Variants in SEMA6D observed in about 807,000 individuals in gnomAD.
The protein encoded by SEMA6D is semaphorin 6D.
SEMA6D carries 35 observed loss-of-function variants against 106.6 expected under a neutral mutation model. That is an observed-to-expected ratio of 0.33 (90% CI 0.25 to 0.44). The LOEUF (loss-of-function observed/expected upper bound fraction) is 0.44, where lower values mean the gene tolerates loss of function less well. Ranked by LOEUF, SEMA6D falls within the 20% of genes least tolerant of loss-of-function variation. The pLI is 1.00. For synonymous variants in SEMA6D, 499 were observed against 487.7 expected (o/e 1.02, Z -0.31); for missense variants, 1,185 against 1,345.9 (o/e 0.88, Z 1.87).
chr15:47,567,326 C>G (rs1420795593), intron 3 of SEMA6D, among the ~76,000 whole-genome samples: 1 of 151,946 alleles, frequency 6.6e-6, no homozygotes, highest in Non-Finnish European at 1.5e-5. Context: ...GAAAATTTAA[C>G]AAAAATTTAA....
chr15:47,463,027 G>A (rs1255658899), intron 2 of SEMA6D, among the ~76,000 whole-genome samples: 3 of 152,032 alleles, frequency 2.0e-5, no homozygotes, highest in Non-Finnish European at 4.4e-5. Flanking sequence ...ACTTGGATAT[G>A]GAAAGGACTT....
chr15:47,707,860 C>T (rs1467878120), intron 4 of SEMA6D, among the ~76,000 whole-genome samples: 1 of 152,116 alleles, frequency 6.6e-6, no homozygotes. Flanking sequence ...ACTCAATTAT[C>T]CCCCCATTAA....
chr15:47,475,317 A>G (rs918663767), intron 3 of SEMA6D, among the ~76,000 whole-genome samples: 1 of 152,226 alleles, frequency 6.6e-6, no homozygotes, highest in African/African-American at 2.4e-5. Context: ...TCTATAAAGT[A>G]TCATCCCCAT....
chr15:47,594,188 A>G (rs1324049372), intron 3 of SEMA6D, among the ~76,000 whole-genome samples: 1 of 152,246 alleles, frequency 6.6e-6, no homozygotes, highest in African/African-American at 2.4e-5. Flanking sequence ...AATCACTATT[A>G]TAGAACTCAT....
At chr15:47,258,417 G>C (rs1014845853) in intron 1 of SEMA6D, among the ~76,000 whole-genome samples, 1 of 152,154 alleles carries the variant, frequency 6.6e-6, no homozygotes, top group Non-Finnish European at 1.5e-5. Context: ...AGCAGACTGA[G>C]TAAAGAAGAT....
chr15:47,324,585 C>T (rs1039165419), intron 1 of SEMA6D, among the ~76,000 whole-genome samples: 4 of 151,520 alleles, frequency 2.6e-5, no homozygotes, highest in South Asian at 2.1e-4. Flanking sequence ...TATTCTCTTA[C>T]GCAAATACAG....
intron 4 of SEMA6D, among the ~76,000 whole-genome samples, chr15:47,705,026 GCCAT>G (rs1429678208): frequency 1.3e-5 from 2 of 152,052 alleles, no homozygotes; most frequent in Non-Finnish European, 2.9e-5. Flanking sequence ...TACCACTCAA[GCCAT>G]CCATTCAATA....
chr15:47,594,160 G>A (rs1334466656), intron 3 of SEMA6D, among the ~76,000 whole-genome samples: 1 of 152,138 alleles, frequency 6.6e-6, no homozygotes, highest in African/African-American at 2.4e-5. Context: ...GATAATATTT[G>A]TTTCTCTACA....
chr15:47,620,399 C>G (rs1261247184), intron 4 of SEMA6D, among the ~76,000 whole-genome samples: 1 of 152,242 alleles, frequency 6.6e-6, no homozygotes, highest in Non-Finnish European at 1.5e-5. Context: ...CATGTCAGCA[C>G]TTGGTTCACT....
intron 1 of SEMA6D, among the ~76,000 whole-genome samples, chr15:47,721,904 G>A (rs536269475): frequency 1.3e-5 from 2 of 152,118 alleles, no homozygotes; most frequent in South Asian, 4.2e-4. Context: ...GGCTACAACA[G>A]GCTGCTGGCT....
At position 47,348,723 on chromosome 15, in the gene SEMA6D, C is replaced by CAGAGAGAGAGAGAG. The variant is rs1258338355; in HGVS notation, c.-238-63669_-238-63668insGAGAGAGAGAGAGA. On this transcript the variant is annotated intron_variant, in intron 1 of 19. Coordinates refer to the SEMA6D transcript ENST00000558014. ...CACACACACACACACACACACCACACACACAGAGAGAGAGAGAGAGAGAGA... is the reference window on the plus strand; with the variant it reads ...CACACACACACACACACACACCACACAGAGAGAGAGAGAGACACAGAGAGAGAGAGAGAGAGAGA... Among the ~76,000 whole-genome samples the CAGAGAGAGAGAGAG allele has an allele frequency of 9.6e-3, 435 of 45,458 alleles. 39 individuals carry two copies. Among genetic ancestry groups the CAGAGAGAGAGAGAG allele is most frequent in the African/African-American group, 0.023 (395 of 17,400 alleles). 29.8% of individuals were successfully genotyped at this position (45,458 alleles called of 152,430 possible). A position where few individuals can be genotyped will look rare whatever the true frequency, so the allele number is the denominator to read the frequency against.
intron 4 of SEMA6D, among the ~76,000 whole-genome samples, chr15:47,704,628 T>G (rs1243973295): frequency 1.3e-5 from 2 of 152,130 alleles, no homozygotes; most frequent in African/African-American, 4.8e-5. Flanking sequence ...GGAGGACTGA[T>G]TGAGCCCAGG....
intron 1 of SEMA6D, among the ~76,000 whole-genome samples, chr15:47,259,368 A>G (rs1475902753): frequency 6.6e-6 from 1 of 152,024 alleles, no homozygotes; most frequent in Non-Finnish European, 1.5e-5. Context: ...AAATTGACAG[A>G]TTTTTTTACA....
intron 1 of SEMA6D, among the ~76,000 whole-genome samples, chr15:47,409,062 A>G (rs17310788): frequency 0.18 from 27,932 of 152,268 alleles, 2,984 homozygotes; most frequent in South Asian, 0.32. Flanking sequence ...GGTAAAATCC[A>G]GGACAAGAGA....
chr15:47,493,339 G>T (rs2141466523), intron 3 of SEMA6D, among the ~76,000 whole-genome samples: 2 of 152,204 alleles, frequency 1.3e-5, no homozygotes, highest in Admixed American at 1.3e-4. Flanking sequence ...TCACCTCTCA[G>T]TCTTTTCATT....
intron 1 of SEMA6D, among the ~76,000 whole-genome samples, chr15:47,316,344 G>A (rs7172467): frequency 0.014 from 2,194 of 151,658 alleles, 52 homozygotes; most frequent in African/African-American, 0.05. Context: ...CACCTGCCTC[G>A]GCCTCCCAAA....
At chr15:47,560,452 A>G (rs763156716) in intron 3 of SEMA6D, among the ~76,000 whole-genome samples, 1 of 152,100 alleles carries the variant, frequency 6.6e-6, no homozygotes, top group Non-Finnish European at 1.5e-5. Flanking sequence ...AAAGGGCTCA[A>G]GAGCAGATTT....
At chr15:47,512,796 A>C (rs567593839) in intron 3 of SEMA6D, among the ~76,000 whole-genome samples, 4 of 152,218 alleles carry the variant, frequency 2.6e-5, no homozygotes, top group African/African-American at 4.8e-5. Context: ...ATTGGTGACT[A>C]TGGTGATTTG....
chr15:47,728,557 G>C (rs2079912493), intron 1 of SEMA6D, among the ~76,000 whole-genome samples: 1 of 152,310 alleles, frequency 6.6e-6, no homozygotes, highest in Admixed American at 6.5e-5. Context: ...TGAGGACACA[G>C]ATGCTCAAGG....
Sources: gnomAD v4.1 joint callset for allele counts (sites outside exome capture counted in the v4.1 genomes callset) on GRCh38, gnomAD v4.1.1 for gene constraint, MANE v1.5 for transcripts, NCBI Gene and HGNC (gene_info 2026-07-23, HGNC 2026-07-21) for gene names.